MEGF8: variants seen among roughly 807,000 people sequenced by gnomAD.
MEGF8 encodes multiple epidermal growth factor-like domains protein 8.
In MEGF8, 156 loss-of-function variants were observed where a neutral mutation model predicts 302.9. The ratio of observed to expected loss-of-function variants is 0.52; its 90% CI spans 0.45 to 0.59. The LOEUF (loss-of-function observed/expected upper bound fraction) is 0.59, where lower values mean the gene tolerates loss of function less well. MEGF8 is among the 20% of genes least tolerant of loss of function. The pLI, the probability that MEGF8 is intolerant of heterozygous loss-of-function variation, is 0.00. For synonymous variants in MEGF8, 1,621 were observed against 1,660.5 expected (o/e 0.98, Z 0.58); for missense variants, 3,345 against 3,964.5 (o/e 0.84, Z 4.20).
intron 8 of MEGF8, among the ~76,000 whole-genome samples, chr19:42,342,599 G>T (rs865436): frequency 0.086 from 13,042 of 151,498 alleles, 730 homozygotes; most frequent in Middle Eastern, 0.17. Flanking sequence ...ATCGTGGCAC[G>T]GCACTGCAGC....
chr19:42,339,543 T>C (rs191528566), intron 8 of MEGF8, among the ~76,000 whole-genome samples: 1 of 152,358 alleles, frequency 6.6e-6, no homozygotes, highest in Non-Finnish European at 1.5e-5. Context: ...TCATGTCCTT[T>C]GTCTACTTTT....
rs1568556685 is a variant in MEGF8 at position 42,335,352 on chromosome 19, C to T, written c.795C>T (p.Asn265=). ...GDLVLYNFSA[N]TWESWDLSPA... ...TCGTCCTATACAACTTCTCCGCCAA[C>T]ACCTGGGAGTCTTGGGACCTGAGTC... The change falls in exon 5 of 42, where the codon AAC becomes AAT. Residue 265 remains asparagine (N), a synonymous_variant. Transcript: ENST00000251268. The T allele has an allele frequency of 1.2e-6, 2 of 1,614,028 alleles. No individual in the cohort carries two copies. Among genetic ancestry groups the T allele is most frequent in the African/African-American group, 1.3e-5 (1 of 75,052 alleles).
rs1205589672 is a variant in MEGF8, at chr19:42,360,779, G to A, written c.5493G>A (p.Ser1831=). ...NAWLLPDLTR[S]ASVGPPMEES... Reference sequence around the variant, plus strand: ...GAATACACCATCTTTCCTCAGGCTCGGCCTCTGTGGGGCCCCCAATGGAGG... The same window carrying A: ...GAATACACCATCTTTCCTCAGGCTCAGCCTCTGTGGGGCCCCCAATGGAGG... The change falls in exon 32 of 42, where the codon TCG becomes TCA. Residue 1831 remains serine, a synonymous_variant. Transcript: ENST00000251268. 6.3e-6 allele frequency: 10 copies of A among 1,581,680 alleles called. No homozygotes were observed. Among genetic ancestry groups the A allele is most frequent in the Admixed American group, 3.7e-5 (2 of 54,240 alleles).
chr19:42,358,388 C>T lies in MEGF8; in HGVS notation c.5175+81C>T. On this transcript the variant is annotated intron_variant, in intron 29 of 41. Coordinates refer to ENST00000251268, the MANE Select transcript of MEGF8 (RefSeq NM_001271938.2). The surrounding 1 kb of genome is among the most constrained non-coding windows in gnomAD (Gnocchi z 4.4). ...TTTCCCAGTGCCCCAGGGACTGGCT[C>T]CATCCCAGATTCCTGCTTCCCCTCC... 6.9e-7 allele frequency: 1 copy of T among 1,455,612 alleles called. No homozygotes were observed. Among genetic ancestry groups the T allele is most frequent in the Non-Finnish European group, 9.2e-7 (1 of 1,090,524 alleles). The allele number at this position is 1,455,612 out of a possible 1,614,324, so 90.2% of individuals were successfully genotyped here. A position where few individuals can be genotyped will look rare whatever the true frequency, so the allele number is the denominator to read the frequency against.
At position 42,362,108 on chromosome 19, in the gene MEGF8, C is replaced by T. The variant is rs770625540; in HGVS notation, c.5739C>T (p.Ser1913=). 6 of 1,612,224 alleles carry T rather than the reference C, an allele frequency of 3.7e-6. No homozygotes were observed. The African/African-American group carries it at 6.7e-5, about 18-fold the overall frequency. ...DQAHRLGCGG[S]PCSPMPRSPE... is the part of the protein sequence containing the mutation. ...CCTTTAGGCTGGGCTGCGGGGGCTC[C>T]CCCTGCTCCCCAATGCCTCGCTCCC... The change falls in exon 33 of 42, where the codon TCC becomes TCT. Residue 1913 remains serine, a synonymous_variant. Coordinates refer to ENST00000251268, the MANE Select transcript of MEGF8 (RefSeq NM_001271938.2).
chr19:42,336,234 C>G lies in MEGF8; in HGVS notation c.1132C>G (p.Gln378Glu). ...CAGCACCAGCGGGGGCTATTGGGAG[C>G]AGGTGATTCCGGCAGGCGGACGGCC... The part of the protein sequence containing the change: ...LDSTSGGYWE[Q>E]VIPAGGRPPA... The change falls in exon 6 of 42, where the codon CAG (glutamine) becomes GAG (glutamate). Residue 378 changes from glutamine to glutamate, a missense_variant. Physicochemically the swap from Gln to Glu is conservative, Grantham distance 29 (BLOSUM62 2). Transcript: ENST00000251268. The surrounding 1 kb of genome is among the most constrained non-coding windows in gnomAD (Gnocchi z 4.8). 1 of 1,609,170 alleles carries G rather than the reference C, an allele frequency of 6.2e-7. No individual in the cohort carries two copies. The highest frequency in any genetic ancestry group is 8.5e-7 in the Non-Finnish European group (1 of 1,179,872).
Position 42,351,511 on chromosome 19 carries a change from G to A in MEGF8, c.2938G>A (p.Ala980Thr). ...CACCCACACCTGCTTCCTGTTTGCT[G>A]CCTACTTGGCCCGGTACCCACACGG... Reference protein sequence around the residue: ...QSTHTCFLFAAYLARYPHGGC... With the variant: ...QSTHTCFLFATYLARYPHGGC... Residue 980 changes from alanine (A) to threonine (T), a missense_variant, in exon 17 of 42, where the codon GCC (alanine) becomes ACC (threonine). Physicochemically the swap from Ala to Thr is moderately conservative, Grantham distance 58. Transcript: ENST00000251268. This position sits in a 1 kb window ranked among gnomAD's most constrained non-coding sequence, Gnocchi z 5.6. The A allele has an allele frequency of 6.2e-7, 1 of 1,607,822 alleles. No individual in the cohort carries two copies. Among genetic ancestry groups the A allele is most frequent in the Non-Finnish European group, 8.5e-7 (1 of 1,177,522 alleles).
rs548644645 is a variant in MEGF8 at position 42,367,294 on chromosome 19, T to C, written c.6274-1161T>C. On this transcript the variant is annotated intron_variant, in intron 35 of 41. Transcript: ENST00000251268. ...TTTCTTGTCTTTTCTTTCTTTCTTT[T>C]TTTTTTTTTTTTGAGACGGAGTCTC... is the stretch of plus-strand genomic sequence containing the variant. Among the ~76,000 whole-genome samples the C allele has an allele frequency of 5.0e-4, 75 of 150,482 alleles. 1 individual carries two copies. Among genetic ancestry groups the C allele is most frequent in the Middle Eastern group, 3.5e-3 (1 of 288 alleles).
chr19:42,332,232 T>C (rs1401434992), intron 1 of MEGF8, among the ~76,000 whole-genome samples: 1 of 152,244 alleles, frequency 6.6e-6, no homozygotes, highest in Non-Finnish European at 1.5e-5. Flanking sequence ...TGCAGTCAGC[T>C]GAATGTTCAC....
chr19:42,361,136 C>CCT, intron 32 of MEGF8, 130 bp downstream of exon 32: 1 of 983,376 alleles, frequency 1.0e-6, no homozygotes, highest in Non-Finnish European at 1.4e-6. Flanking sequence ...TCACCGCAGG[C>CCT]AGGGTGGCCG....
chr19:42,369,727 G>A lies in MEGF8; in HGVS notation c.6834+4G>A. 1 of 1,598,796 alleles carries A rather than the reference G, an allele frequency of 6.3e-7. No homozygotes were observed. The highest frequency in any genetic ancestry group is 8.5e-7 in the Non-Finnish European group (1 of 1,174,014). On this transcript the variant is annotated splice_donor_region_variant and intron_variant, in intron 38 of 41. Coordinates refer to ENST00000251268, the MANE Select transcript of MEGF8 (RefSeq NM_001271938.2). The surrounding 1 kb of genome is among the most constrained non-coding windows in gnomAD (Gnocchi z 5.7). Reference sequence around the variant, plus strand: ...GCTCTGCCGCAACCACACCAAGGTGGGCCGCCCGGAGCCTCAGACCCCCGA... The same window carrying A: ...GCTCTGCCGCAACCACACCAAGGTGAGCCGCCCGGAGCCTCAGACCCCCGA...
chr19:42,358,671 T>G lies in MEGF8; in HGVS notation c.5176-116T>G, dbSNP rs570028797. 1,734 of 1,263,040 alleles carry G rather than the reference T, an allele frequency of 1.4e-3. 3 individuals are homozygous for G. The highest frequency in any genetic ancestry group is 1.6e-3 in the Non-Finnish European group (1,499 of 934,258). The allele number at this position is 1,263,040 out of a possible 1,614,324, so 78.2% of individuals were successfully genotyped here. A position where few individuals can be genotyped will look rare whatever the true frequency, so the allele number is the denominator to read the frequency against. The stretch of plus-strand genomic sequence containing the variant: ...GGAGGGCAGGGAGCCCTGTCTGCAC[T>G]GGTTAGAGAGGCTGGTGGTTTCAGT... On this transcript the variant is annotated intron_variant, in intron 29 of 41. Coordinates refer to ENST00000251268, the MANE Select transcript of MEGF8 (RefSeq NM_001271938.2). This position sits in a 1 kb window ranked among gnomAD's most constrained non-coding sequence, Gnocchi z 4.4.
rs768110363 is a variant in MEGF8, at chr19:42,352,697, A to G, written c.3351-231A>G. 13 of 647,188 alleles carry G rather than the reference A, an allele frequency of 2.0e-5. No individual in the cohort carries two copies. The highest frequency in any genetic ancestry group is 1.8e-5 in the Non-Finnish European group (7 of 380,390). The allele number at this position is 647,188 out of a possible 1,614,324, so 40.1% of individuals were successfully genotyped here. On this transcript the variant is annotated intron_variant, in intron 19 of 41. Coordinates refer to ENST00000251268, the MANE Select transcript of MEGF8 (RefSeq NM_001271938.2). The surrounding 1 kb of genome is among the most constrained non-coding windows in gnomAD (Gnocchi z 4.4). Reference sequence around the variant, plus strand: ...GCCATAGTCTTCAGCGTTGCCATGGAGGCGGAGGAGGACCTAGTTGAAAGA... The same window carrying G: ...GCCATAGTCTTCAGCGTTGCCATGGGGGCGGAGGAGGACCTAGTTGAAAGA...
chr19:42,373,506 T>G (rs1295146741), intron 41 of MEGF8, among the ~76,000 whole-genome samples: 1 of 151,876 alleles, frequency 6.6e-6, no homozygotes, highest in East Asian at 1.9e-4. Flanking sequence ...GTTTCCATCA[T>G]CCTCCCACCT....
intron 12 of MEGF8, among the ~76,000 whole-genome samples, chr19:42,345,358 T>C (rs1235976308): frequency 6.6e-6 from 1 of 152,276 alleles, no homozygotes; most frequent in Non-Finnish European, 1.5e-5. Context: ...ATTTACAATA[T>C]TGTGCAATCA....
rs535967745 is a variant in MEGF8 at position 42,332,337 on chromosome 19, G to A, written c.188-1268G>A. Among the ~76,000 whole-genome samples the A allele has an allele frequency of 2.6e-5, 4 of 152,304 alleles. No individual in the cohort carries two copies. In the South Asian group the frequency reaches 8.3e-4, roughly 32 times the overall value. On this transcript the variant is annotated intron_variant, in intron 1 of 41. Transcript: ENST00000251268. ...GTTGGGACTGTCAGCCGGAATGCCT[G>A]TGTGTGGCCTTTTCTTGTGGCTTTG... is the stretch of plus-strand genomic sequence containing the variant.
Position 42,326,158 on chromosome 19 carries a change from A to G in MEGF8, c.-86A>G. On this transcript the variant is annotated 5_prime_UTR_variant, in exon 1 of 42. Transcript: ENST00000251268. The stretch of plus-strand genomic sequence containing the variant: ...GTCATGTTATGCCTATAGAGGTCGC[A>G]TTTGCAGGGCCTCACCCCGGGTAGA... The G allele has an allele frequency of 2.1e-6, 3 of 1,410,728 alleles. No individual in the cohort carries two copies. The highest frequency in any genetic ancestry group is 2.8e-6 in the Non-Finnish European group (3 of 1,087,096). The allele number at this position is 1,410,728 out of a possible 1,614,324, so 87.4% of individuals were successfully genotyped here.
At chr19:42,345,791 A>G (rs1194314564) in intron 12 of MEGF8, among the ~76,000 whole-genome samples, 1 of 152,178 alleles carries the variant, frequency 6.6e-6, no homozygotes, top group African/African-American at 2.4e-5. Context: ...TCTGTTTTCA[A>G]TTCTTGTGGC....
Position 42,370,367 on chromosome 19 carries a change from A to T in MEGF8, c.7005+8A>T. 6.4e-7 allele frequency: 1 copy of T among 1,559,404 alleles called. No individual in the cohort carries two copies. On this transcript the variant is annotated splice_region_variant and intron_variant, in intron 39 of 41. Coordinates refer to ENST00000251268, the MANE Select transcript of MEGF8 (RefSeq NM_001271938.2). ...TCACTGGACCCAGAGGAGGTGAAAG[A>T]GAGGGGTCAGATGCCTGGGTCTGAG...
Sources: allele counts gnomAD v4.1 joint callset (sites outside exome capture counted in the v4.1 genomes callset), GRCh38; gene constraint gnomAD v4.1.1; non-coding constraint Gnocchi (gnomAD v3.1); transcripts MANE v1.5; gene names NCBI Gene and HGNC (gene_info 2026-07-23, HGNC 2026-07-21).